Variants in ELN observed in about 807,000 individuals in gnomAD.
ELN encodes elastin, also known as tropoelastin.
A neutral mutation model predicts 105.8 loss-of-function variants in ELN; 65 were observed. The ratio of observed to expected loss-of-function variants is 0.61; its 90% confidence interval spans 0.50 to 0.75. The LOEUF (loss-of-function observed/expected upper bound fraction) is 0.75, where lower values mean the gene tolerates loss of function less well. Among genes scored for constraint, ELN ranks in the 30% least tolerant of loss-of-function variants. The pLI is 0.00. For missense variants in ELN, 882 were observed against 969.4 expected, an observed-to-expected ratio of 0.91 and a Z score of 1.20; for synonymous variants, 368 against 389.2, an observed-to-expected ratio of 0.95 and a Z score of 0.64.
intron 20 of ELN, 60 bp from the exon 21 acceptor site, chr7:74,056,612 G>C: frequency 6.2e-7 from 1 of 1,612,726 alleles, no homozygotes; most frequent in Non-Finnish European, 8.5e-7. Flanking sequence ...CTTTAAACAC[G>C]GCTCGGAGGA....
intron 1 of ELN, among the ~76,000 whole-genome samples, chr7:74,033,992 C>T (rs1171891858): frequency 6.6e-6 from 1 of 152,160 alleles, no homozygotes; most frequent in African/African-American, 2.4e-5. Context: ...ACAGCGTTCC[C>T]CAGTGAGAGC....
intron 15 of ELN, among the ~76,000 whole-genome samples, chr7:74,049,827 T>C (rs1399942934): frequency 1.3e-5 from 2 of 150,830 alleles, no homozygotes; most frequent in African/African-American, 2.4e-5. Flanking sequence ...CATGCATCCA[T>C]CTATCCATCC....
chr7:74,063,811 ATGTCCTCT>A lies in ELN; in HGVS notation c.1993+119_1993+126del, dbSNP rs1480621435. On this transcript the variant is annotated intron_variant, in intron 29 of 32. Coordinates refer to ENST00000252034, the MANE Select transcript of ELN (RefSeq NM_000501.4). This position sits in a 1 kb window ranked among gnomAD's most constrained non-coding sequence, Gnocchi z 4.1. The stretch of plus-strand genomic sequence containing the variant: ...CACCCCTGGCACGTCTTTGCTCAAG[ATGTCCTCT>A]TGGCCAGGTGCGGTGGCTCACGCCT... The A allele has an allele frequency of 2.1e-5, 31 of 1,443,484 alleles. No homozygotes were observed. The highest frequency in any genetic ancestry group is 3.7e-5 in the Admixed American group (2 of 53,774). The allele number at this position is 1,443,484 out of a possible 1,614,324, so 89.4% of individuals were successfully genotyped here.
At chr7:74,032,814 C>CTAGGG (rs1554663252) in intron 1 of ELN, among the ~76,000 whole-genome samples, 12 of 152,118 alleles carry the variant, frequency 7.9e-5, no homozygotes, top group Non-Finnish European at 4.4e-5. Context: ...AGGGGGACTC[C>CTAGGG]CAGGGCAGAT....
rs536105087 is a variant in ELN, at chr7:74,037,479, C to T, written c.164-228C>T. ...AAAGTGCTAGGATTACAGGCGTGAG[C>T]CACCACCCCCAGCCCATCATCCCCT... On this transcript the variant is annotated intron_variant, in intron 3 of 32. Coordinates refer to ENST00000252034, the MANE Select transcript of ELN (RefSeq NM_000501.4). Among the ~76,000 whole-genome samples the T allele has an allele frequency of 2.0e-5, 3 of 152,338 alleles. No homozygotes were observed. The South Asian group carries it at 6.2e-4, about 32-fold the overall frequency.
chr7:74,035,662 GAGTTTCAGACC>G (rs1490869942), intron 2 of ELN: 2 of 586,564 alleles, frequency 3.4e-6, no homozygotes, highest in East Asian at 3.1e-5. Flanking sequence ...TTGAGGCCAG[GAGTTTCAGACC>G]AGCCTGGACA....
chr7:74,055,041 A>G (rs1375583392), intron 19 of ELN, among the ~76,000 whole-genome samples: 3 of 152,262 alleles, frequency 2.0e-5, no homozygotes, highest in African/African-American at 7.2e-5. Flanking sequence ...AGAGGAGCCC[A>G]AAACTGCCTG....
At chr7:74,040,341 G>A (rs1790908829) in intron 4 of ELN, among the ~76,000 whole-genome samples, 1 of 152,224 alleles carries the variant, frequency 6.6e-6, no homozygotes, top group Non-Finnish European at 1.5e-5. Context: ...TGATCGCCAG[G>A]CACTCCCGCC....
At chr7:74,067,610 C>T (rs943611631) in intron 32 of ELN, among the ~76,000 whole-genome samples, 21 of 151,720 alleles carry the variant, frequency 1.4e-4, no homozygotes, top group African/African-American at 4.6e-4. Context: ...TGGTGGCGGG[C>T]ACCTGTAGTC....
intron 3 of ELN, among the ~76,000 whole-genome samples, chr7:74,037,119 C>T (rs935091700): frequency 7.2e-5 from 11 of 151,914 alleles, no homozygotes; most frequent in Non-Finnish European, 1.3e-4. Flanking sequence ...CCTTGCCCGG[C>T]CCCTTGCCCG....
chr7:74,042,861 C>T, intron 6 of ELN, 123 bp from the exon 7 acceptor site: 5 of 1,570,048 alleles, frequency 3.2e-6, no homozygotes, highest in Non-Finnish European at 4.4e-6. Flanking sequence ...CTAGCTGTGC[C>T]CAGTCTGAAG....
rs1252355834 is a variant in ELN, at chr7:74,061,095, C to T, written c.1748-6C>T. On this transcript the variant is annotated splice_region_variant and splice_polypyrimidine_tract_variant and intron_variant, in intron 25 of 32. Coordinates refer to ENST00000252034, the MANE Select transcript of ELN (RefSeq NM_000501.4). ...TGACCACTCCCCAACTTTTCTTTCTCCCCAGTACCTGGAGCCCTGGCTGCC... is the reference window on the plus strand; with the variant it reads ...TGACCACTCCCCAACTTTTCTTTCTTCCCAGTACCTGGAGCCCTGGCTGCC... 1 of 1,614,006 alleles carries T rather than the reference C, an allele frequency of 6.2e-7. No homozygotes were observed. The highest frequency in any genetic ancestry group is 1.3e-5 in the African/African-American group (1 of 74,942).
chr7:74,028,567 G>A (rs1787953920), intron 1 of ELN, among the ~76,000 whole-genome samples: 1 of 152,162 alleles, frequency 6.6e-6, no homozygotes, highest in Non-Finnish European at 1.5e-5. Flanking sequence ...CCGCCCTGTA[G>A]GGGGATCAGA....
rs1554690829 is a variant in ELN at position 74,069,033 on chromosome 7, G to C, written c.*333G>C. 1 of 434,950 alleles carries C rather than the reference G, an allele frequency of 2.3e-6. No homozygotes were observed. Among genetic ancestry groups the C allele is most frequent in the Middle Eastern group, 6.1e-4 (1 of 1,628 alleles). The allele number at this position is 434,950 out of a possible 1,614,324, so 26.9% of individuals were successfully genotyped here. Reference sequence around the variant, plus strand: ...GCTGGTGCTCTTATCTTCCTGGGGGGAGGGAGGAGGGAAGGGTGGCCCCTC... The same window carrying C: ...GCTGGTGCTCTTATCTTCCTGGGGGCAGGGAGGAGGGAAGGGTGGCCCCTC... On this transcript the variant is annotated 3_prime_UTR_variant, in exon 33 of 33. Coordinates refer to ENST00000252034, the MANE Select transcript of ELN (RefSeq NM_000501.4).
rs368904789 is a variant in ELN at position 74,036,549 on chromosome 7, C to G, written c.134-6C>G. ...GATCTCTCTTTCTCTTTCTCTCCCCCCACAGGGGCTGGTCTCGGAGCCCTT... is the reference window on the plus strand; with the variant it reads ...GATCTCTCTTTCTCTTTCTCTCCCCGCACAGGGGCTGGTCTCGGAGCCCTT... On this transcript the variant is annotated splice_polypyrimidine_tract_variant and splice_region_variant and intron_variant, in intron 2 of 32. Transcript: ENST00000252034. 11 of 1,613,930 alleles carry G rather than the reference C, an allele frequency of 6.8e-6. No homozygotes were observed. The highest frequency in any genetic ancestry group is 1.6e-4 in the Middle Eastern group (1 of 6,084).
At chr7:74,057,321 C>A in intron 21 of ELN, 2 of 1,365,950 alleles carry the variant, frequency 1.5e-6, no homozygotes, top group Non-Finnish European at 1.9e-6. Flanking sequence ...CCCACCCACC[C>A]TTGCTCCCCC....
chr7:74,046,034 T>G, intron 10 of ELN, 154 bp from the exon 11 acceptor site: 1 of 1,041,656 alleles, frequency 9.6e-7, no homozygotes, highest in Non-Finnish European at 1.4e-6. Context: ...AAACTCCATC[T>G]CCGAAAAAAG....
chr7:74,032,588 C>T (rs1395706131), intron 1 of ELN, among the ~76,000 whole-genome samples: 2 of 152,200 alleles, frequency 1.3e-5, no homozygotes, highest in East Asian at 1.9e-4. Flanking sequence ...ATTAAAACCT[C>T]GGGCTCCCCA....
Position 74,051,850 on chromosome 7 carries a change from T to A in ELN, c.889+11T>A, listed in dbSNP as rs1554676267. The A allele has an allele frequency of 1.2e-6, 2 of 1,614,196 alleles. No homozygotes were observed. The highest frequency in any genetic ancestry group is 1.7e-6 in the Non-Finnish European group (2 of 1,180,022). On this transcript the variant is annotated intron_variant, in intron 16 of 32. Coordinates refer to ENST00000252034, the MANE Select transcript of ELN (RefSeq NM_000501.4). ...TTGGAGGCATCGCAGGTAACATCTG[T>A]CCCAGCAGGGGGCGGGTGTGTCCTT...
Sources: gnomAD v4.1 joint callset for allele counts (sites outside exome capture counted in the v4.1 genomes callset) on GRCh38, gnomAD v4.1.1 for gene constraint, Gnocchi (gnomAD v3.1) non-coding constraint, MANE v1.5 for transcripts, NCBI Gene and HGNC (gene_info 2026-07-23, HGNC 2026-07-21) for gene names.